NUMA1: variants seen among roughly 807,000 people sequenced by gnomAD.
NUMA1 encodes nuclear mitotic apparatus protein 1.
In NUMA1, 62 loss-of-function variants were observed where a neutral mutation model predicts 237.1. The ratio of observed to expected loss-of-function variants is 0.26; its 90% CI spans 0.21 to 0.32. NUMA1 has a LOEUF of 0.32. Ranked by LOEUF, NUMA1 falls within the 10% of genes least tolerant of loss-of-function variation. The pLI is 1.00. For synonymous variants in NUMA1, 1,028 were observed against 1,066.1 expected (o/e 0.96, Z 0.70); for missense variants, 2,533 against 2,666.5 (o/e 0.95, Z 1.10).
At chr11:72,012,591 T>G (rs1307218947) in intron 15 of NUMA1, 149 bp from the exon 16 acceptor site, 4 of 817,084 alleles carry the variant, frequency 4.9e-6, no homozygotes, top group Non-Finnish European at 7.9e-6. Context: ...TTAGGCTGAT[T>G]CTAATCCCCA....
intron 1 of NUMA1, among the ~76,000 whole-genome samples, chr11:72,072,453 G>T (rs967944291): frequency 3.3e-5 from 5 of 152,268 alleles, no homozygotes; most frequent in African/African-American, 1.2e-4. Flanking sequence ...GAAGAAATCT[G>T]CAAGGCTGAA....
At chr11:72,004,980 C>T (rs1455912167) in intron 23 of NUMA1, among the ~76,000 whole-genome samples, 164 bp from the exon 24 acceptor site, 1 of 152,164 alleles carries the variant, frequency 6.6e-6, no homozygotes, top group Non-Finnish European at 1.5e-5. Context: ...CTGCTTTCTA[C>T]CTAAGCCCTG....
At position 72,013,884 on chromosome 11, in the gene NUMA1, C is replaced by A. The variant is rs542586470; in HGVS notation, c.3619G>T (p.Asp1207Tyr). 6.2e-7 allele frequency: 1 copy of A among 1,614,000 alleles called. No individual in the cohort carries two copies. The highest frequency in any genetic ancestry group is 2.2e-5 in the East Asian group (1 of 44,880). ...TKVQDHSKAE[D>Y]EWKAQVARGR... ...CGGGCCACCTGGGCCTTCCACTCAT[C>A]TTCAGCCTTGCTGTGGTCTTGTACC... The change falls in exon 15 of 27, where the codon GAT becomes TAT. Residue 1207 changes from aspartate to tyrosine, a missense_variant. Physicochemically the swap from Asp to Tyr is radical, Grantham distance 160 (BLOSUM62 -3). Coordinates refer to ENST00000393695, the MANE Select transcript of NUMA1 (RefSeq NM_006185.4). This position sits in a 1 kb window ranked among gnomAD's most constrained non-coding sequence, Gnocchi z 6.8.
In NUMA1 at chr11:72,006,171, G is replaced by A; in HGVS notation, c.5556C>T (p.Ser1852=). Residue 1852 remains serine (S), a synonymous_variant, in exon 22 of 27, where the codon TCC becomes TCT. Transcript: ENST00000393695. ...PASQASLRAT[S]STQSLARLGS... Reference sequence around the variant, plus strand: ...CCAGGCGAGCTAGAGACTGAGTAGAGGAGGTGGCTCGCAGGCTAGCCTGGG... The same window carrying A: ...CCAGGCGAGCTAGAGACTGAGTAGAAGAGGTGGCTCGCAGGCTAGCCTGGG... 6.2e-7 allele frequency: 1 copy of A among 1,614,178 alleles called. No individual in the cohort carries two copies. Among genetic ancestry groups the A allele is most frequent in the Non-Finnish European group, 8.5e-7 (1 of 1,180,042 alleles).
chr11:72,044,902 G>A (rs56139792), intron 2 of NUMA1, among the ~76,000 whole-genome samples: 9,920 of 151,978 alleles, frequency 0.065, 504 homozygotes, highest in Non-Finnish European at 0.094. Flanking sequence ...TCCTGACCTC[G>A]TGATCCGCCT....
At chr11:72,064,976 T>C (rs1354721278) in intron 2 of NUMA1, among the ~76,000 whole-genome samples, 1 of 152,234 alleles carries the variant, frequency 6.6e-6, no homozygotes, top group African/African-American at 2.4e-5. Context: ...AGTTTGTATA[T>C]GTGTATGTAT....
At chr11:72,054,559 C>G (rs973926643) in intron 2 of NUMA1, among the ~76,000 whole-genome samples, 1 of 152,032 alleles carries the variant, frequency 6.6e-6, no homozygotes, top group African/African-American at 2.4e-5. Flanking sequence ...TTAATACCCT[C>G]AAGTTATAGA....
intron 16 of NUMA1, 92 bp from the exon 17 acceptor site, chr11:72,010,946 G>A (rs77729755): frequency 9.0e-7 from 1 of 1,113,366 alleles, no homozygotes. Context: ...TCCCAGACCA[G>A]GATCCCCAGT....
chr11:72,023,209 G>T (rs1939133219), intron 5 of NUMA1, 62 bp from the exon 6 acceptor site: 1 of 1,235,600 alleles, frequency 8.1e-7, no homozygotes, highest in South Asian at 1.2e-5. Flanking sequence ...TGAGATCCCA[G>T]AACACTGAAA....
intron 26 of NUMA1, 174 bp downstream of exon 26, chr11:72,003,713 T>C: frequency 6.1e-6 from 6 of 976,532 alleles, no homozygotes; most frequent in South Asian, 1.4e-5. Flanking sequence ...TCCATGAGAA[T>C]GGGGCCATCT....
chr11:72,035,261 C>T (rs920037448), intron 3 of NUMA1, among the ~76,000 whole-genome samples: 2 of 152,072 alleles, frequency 1.3e-5, no homozygotes, highest in African/African-American at 4.8e-5. Flanking sequence ...ATGAAGTAAT[C>T]GGCAAGGCAA....
chr11:72,022,474 C>T, intron 6 of NUMA1, 55 bp from the exon 7 acceptor site: 1 of 1,194,094 alleles, frequency 8.4e-7, no homozygotes, highest in Non-Finnish European at 1.2e-6. Context: ...TTCTCAGTGC[C>T]CCCATTCTGG....
At chr11:72,022,479 T>C in intron 6 of NUMA1, 60 bp from the exon 7 acceptor site, 1 of 1,083,104 alleles carries the variant, frequency 9.2e-7, no homozygotes, top group Non-Finnish European at 1.4e-6. Flanking sequence ...AGTGCCCCCA[T>C]TCTGGGCTGT....
At chr11:72,050,939 G>A (rs973561241) in intron 2 of NUMA1, 26 of 146,956 alleles carry the variant, frequency 1.8e-4, no homozygotes, top group African/African-American at 6.6e-4. Context: ...CCAGGCTGGA[G>A]TGCAGTGGCA....
chr11:72,038,606 A>G (rs1941310794), intron 2 of NUMA1, among the ~76,000 whole-genome samples: 1 of 152,048 alleles, frequency 6.6e-6, no homozygotes. Context: ...TTTGGCTGGG[A>G]ACCCAAGGGC....
chr11:72,023,004 T>C, intron 6 of NUMA1, 61 bp downstream of exon 6: 1 of 1,190,680 alleles, frequency 8.4e-7, no homozygotes, highest in Non-Finnish European at 1.3e-6. Context: ...CCCTGCAGGG[T>C]CCCTCAGGTA....
intron 6 of NUMA1, among the ~76,000 whole-genome samples, chr11:72,022,696 A>G (rs1317950406): frequency 1.3e-5 from 2 of 151,140 alleles, no homozygotes; most frequent in East Asian, 1.9e-4. Context: ...AGCTTTAGGT[A>G]CCCTCTATAG....
chr11:72,056,660 A>AAAAAAAAAC (rs1942670061), intron 2 of NUMA1, among the ~76,000 whole-genome samples: 1 of 138,898 alleles, frequency 7.2e-6, no homozygotes, highest in Non-Finnish European at 1.6e-5. Context: ...AAAAAAAAAA[A>AAAAAAAAAC]GGCAAGCCAA....
chr11:72,021,067 T>C, intron 8 of NUMA1, 137 bp downstream of exon 8: 1 of 703,108 alleles, frequency 1.4e-6, no homozygotes, highest in Non-Finnish European at 2.5e-6. Flanking sequence ...CCTACTCCAT[T>C]ACACACACTT....
Sources: gnomAD v4.1 joint callset for allele counts (sites outside exome capture counted in the v4.1 genomes callset) on GRCh38, gnomAD v4.1.1 for gene constraint, Gnocchi (gnomAD v3.1) non-coding constraint, MANE v1.5 for transcripts, NCBI Gene and HGNC (gene_info 2026-07-23, HGNC 2026-07-21) for gene names.